YEATS2: variants seen among roughly 807,000 people sequenced by gnomAD.
The protein encoded by YEATS2 is YEATS domain-containing protein 2.
In YEATS2, 77 loss-of-function variants were observed where a neutral mutation model predicts 163.2. The observed-to-expected ratio is 0.47, with a 90% CI of 0.39 to 0.57. The LOEUF (loss-of-function observed/expected upper bound fraction) is 0.57. Ranked by LOEUF, YEATS2 falls within the 20% of genes least tolerant of loss-of-function variation. YEATS2 has a pLI of 0.00. For missense variants in YEATS2, 1,549 were observed against 1,729.8 expected (o/e 0.90, Z 1.85); for synonymous variants, 631 against 645.1 (o/e 0.98, Z 0.33).
At position 183,750,617 on chromosome 3, in the gene YEATS2, A is replaced by G. The variant is rs974841205; in HGVS notation, c.970-1456A>G. Among the ~76,000 whole-genome samples the G allele has an allele frequency of 4.6e-5, 7 of 151,990 alleles. No homozygotes were observed. In the South Asian group the frequency reaches 6.2e-4, roughly 14 times the overall value. On this transcript the variant is annotated intron_variant, in intron 9 of 30. Transcript: ENST00000305135. The stretch of plus-strand genomic sequence containing the variant: ...TTTTTTTTGTATTTTAATTTATAGT[A>G]GTTATTCTGTTGTTTGTGATGTGAT...
chr3:183,715,592 T>C (rs924437973), intron 2 of YEATS2, among the ~76,000 whole-genome samples: 1 of 152,186 alleles, frequency 6.6e-6, no homozygotes, highest in Non-Finnish European at 1.5e-5. Context: ...GGTACATGGA[T>C]TAAGGTTTTT....
chr3:183,701,920 A>G (rs1314221640), intron 1 of YEATS2, among the ~76,000 whole-genome samples: 1 of 152,136 alleles, frequency 6.6e-6, no homozygotes, highest in African/African-American at 2.4e-5. Flanking sequence ...CAGGATAAAC[A>G]GCCCTTGCCT....
intron 7 of YEATS2, among the ~76,000 whole-genome samples, chr3:183,733,374 T>C (rs1238954302): frequency 6.6e-6 from 1 of 152,252 alleles, no homozygotes; most frequent in Non-Finnish European, 1.5e-5. Context: ...TTTGTTTCAG[T>C]TGTCACTTGT....
At chr3:183,759,767 C>A (rs1721154393) in intron 13 of YEATS2, among the ~76,000 whole-genome samples, 1 of 152,174 alleles carries the variant, frequency 6.6e-6, no homozygotes, top group Non-Finnish European at 1.5e-5. Flanking sequence ...TCAGATAAAC[C>A]CACCATACGG....
chr3:183,808,963 A>C, intron 29 of YEATS2, 134 bp from the exon 30 acceptor site: 3 of 772,216 alleles, frequency 3.9e-6, no homozygotes, highest in Non-Finnish European at 6.5e-6. Context: ...GAGGCCTTTA[A>C]TTTTTTCTTA....
intron 2 of YEATS2, among the ~76,000 whole-genome samples, chr3:183,716,206 G>A (rs568192852): frequency 9.2e-5 from 14 of 152,052 alleles, no homozygotes; most frequent in Admixed American, 7.2e-4. Flanking sequence ...TGATCCACCC[G>A]CCTCGGCGTC....
intron 1 of YEATS2, among the ~76,000 whole-genome samples, chr3:183,708,978 A>G (rs1395175025): frequency 1.3e-5 from 2 of 152,012 alleles, no homozygotes; most frequent in Admixed American, 1.3e-4. Flanking sequence ...TGGCCAACAT[A>G]GTGAAATCCC....
chr3:183,786,604 C>T (rs746608390), intron 20 of YEATS2, among the ~76,000 whole-genome samples: 3 of 152,092 alleles, frequency 2.0e-5, no homozygotes, highest in Non-Finnish European at 4.4e-5. Context: ...CTGTTCTAGG[C>T]GACCGCTGAC....
chr3:183,756,211 A>G (rs1200150126), intron 11 of YEATS2, among the ~76,000 whole-genome samples: 1 of 152,252 alleles, frequency 6.6e-6, no homozygotes, highest in African/African-American at 2.4e-5. Context: ...TATAAGGTGC[A>G]TACCAGGAGA....
intron 11 of YEATS2, among the ~76,000 whole-genome samples, chr3:183,755,415 T>C (rs262996): frequency 0.44 from 66,607 of 152,032 alleles, 14,990 homozygotes; most frequent in East Asian, 0.65. Context: ...CCGTCCCCTG[T>C]CATTGGTAGG....
intron 6 of YEATS2, 36 bp downstream of exon 6, chr3:183,724,567 T>C (rs753550940): frequency 1.5e-4 from 224 of 1,496,906 alleles, no homozygotes; most frequent in Non-Finnish European, 1.9e-4. Flanking sequence ...TATTTGTCCA[T>C]TTGTGTTAAT....
intron 7 of YEATS2, among the ~76,000 whole-genome samples, chr3:183,729,278 A>AG (rs961709001): frequency 6.6e-6 from 1 of 152,096 alleles, no homozygotes; most frequent in African/African-American, 2.4e-5. Context: ...TCTCAAAAAA[A>AG]AAAAAAAAGG....
At chr3:183,698,569 G>A (rs954536371) in intron 1 of YEATS2, among the ~76,000 whole-genome samples, 5 of 152,206 alleles carry the variant, frequency 3.3e-5, no homozygotes, top group Admixed American at 6.5e-5. Flanking sequence ...GACTGCAGAA[G>A]ACAATGAGGT....
chr3:183,713,854 G>A (rs919250582), intron 1 of YEATS2, among the ~76,000 whole-genome samples: 9 of 152,114 alleles, frequency 5.9e-5, no homozygotes, highest in African/African-American at 2.2e-4. Context: ...CGCCCACACT[G>A]GCGTGCAGTG....
chr3:183,706,540 A>G (rs1714633359), intron 1 of YEATS2, among the ~76,000 whole-genome samples: 1 of 152,176 alleles, frequency 6.6e-6, no homozygotes, highest in African/African-American at 2.4e-5. Context: ...ATACCCATCT[A>G]ACCTACACTC....
At chr3:183,810,313 G>A (rs1726668852) in intron 30 of YEATS2, 162 bp from the exon 31 acceptor site, 2 of 599,870 alleles carry the variant, frequency 3.3e-6, no homozygotes, top group Admixed American at 2.9e-5. Flanking sequence ...ATGACAGGAA[G>A]GCAGTCCTCA....
At chr3:183,731,845 G>C (rs1443665767) in intron 7 of YEATS2, among the ~76,000 whole-genome samples, 1 of 152,190 alleles carries the variant, frequency 6.6e-6, no homozygotes, top group Non-Finnish European at 1.5e-5. Flanking sequence ...ATGGTCTGCT[G>C]TGCCACGCCT....
rs908521251 is a variant in YEATS2, at chr3:183,796,518, GCA to G, written c.3098-1402_3098-1401del. Among the ~76,000 whole-genome samples the G allele has an allele frequency of 8.0e-5, 12 of 150,848 alleles. No homozygotes were observed. In the Admixed American group the frequency reaches 8.0e-4, roughly 10 times the overall value. On this transcript the variant is annotated intron_variant, in intron 21 of 30. Transcript: ENST00000305135. ...TGATGTTTGAAAAACAAAGGCTGCT[GCA>G]CAGAGGTAGGAAACGATGAGGTGTG...
chr3:183,785,555 C>G (rs1723986651), intron 19 of YEATS2, among the ~76,000 whole-genome samples: 1 of 151,336 alleles, frequency 6.6e-6, no homozygotes, highest in Non-Finnish European at 1.5e-5. Flanking sequence ...ACTCGAAAGG[C>G]TGGGGCAGGA....
Sources: gnomAD v4.1 joint callset for allele counts (sites outside exome capture counted in the v4.1 genomes callset) on GRCh38, gnomAD v4.1.1 for gene constraint, MANE v1.5 for transcripts, NCBI Gene and HGNC (gene_info 2026-07-23, HGNC 2026-07-21) for gene names.